FBRS: variants seen among roughly 807,000 people sequenced by gnomAD.
The protein encoded by FBRS is fibrosin.
A neutral mutation model predicts 86.1 loss-of-function variants in FBRS; 15 were observed. That is an observed-to-expected ratio of 0.17 (90% CI 0.12 to 0.27). The LOEUF (loss-of-function observed/expected upper bound fraction) is 0.27, where lower values mean the gene tolerates loss of function less well. Ranked by LOEUF, FBRS falls within the 10% of genes least tolerant of loss-of-function variation. FBRS has a pLI of 1.00. For missense variants in FBRS, 1,367 were observed against 1,301.6 expected (o/e 1.05, Z -0.77); for synonymous variants, 666 against 575.8 (o/e 1.16, Z -2.24).
intron 12 of FBRS, 129 bp from the exon 13 acceptor site, chr16:30,666,790 C>A: frequency 8.6e-7 from 1 of 1,163,886 alleles, no homozygotes; most frequent in South Asian, 1.3e-5. Context: ...ACCTAGTCAT[C>A]CCTTGGTTGT....
Position 30,669,056 on chromosome 16 carries a change from G to A in FBRS, c.2367-13G>A, listed in dbSNP as rs2972815. The A allele has an allele frequency of 6.0e-3, 7,836 of 1,310,670 alleles. 343 individuals are homozygous for A. In the African/African-American group the frequency reaches 0.12, roughly 21 times the overall value. The allele number at this position is 1,310,670 out of a possible 1,614,324, so 81.2% of individuals were successfully genotyped here. A position where few individuals can be genotyped will look rare whatever the true frequency, so the allele number is the denominator to read the frequency against. On this transcript the variant is annotated splice_polypyrimidine_tract_variant and intron_variant, in intron 17 of 17. Coordinates refer to ENST00000356166, the MANE Select transcript of FBRS (RefSeq NM_001105079.3). This position sits in a 1 kb window ranked among gnomAD's most constrained non-coding sequence, Gnocchi z 5.9. ...CTGGAGAACTTCATTCTCTCCCCACGCCTGCCCTCCAGGGACCTCCCCTTC... is the reference window on the plus strand; with the variant it reads ...CTGGAGAACTTCATTCTCTCCCCACACCTGCCCTCCAGGGACCTCCCCTTC...
chr16:30,660,401 G>T lies in FBRS; in HGVS notation c.598G>T (p.Asp200Tyr). ...TCGAGAGCCTGGCCGGCCCCCTGGG[G>T]ATCGGGCCCGAAAATGGCCCAATAA... is the stretch of plus-strand genomic sequence containing the variant. ...SDREPGRPPG[D>Y]RARKWPNKRR... is the part of the protein sequence containing the mutation. Residue 200 changes from aspartate (D) to tyrosine (Y), a missense_variant, in exon 2 of 18, where the codon GAT (aspartate) becomes TAT (tyrosine). Coordinates refer to ENST00000356166, the MANE Select transcript of FBRS (RefSeq NM_001105079.3). 4.0e-6 allele frequency: 5 copies of T among 1,261,266 alleles called. No homozygotes were observed. Among genetic ancestry groups the T allele is most frequent in the Admixed American group, 3.9e-5 (1 of 25,604 alleles). The allele number at this position is 1,261,266 out of a possible 1,614,324, so 78.1% of individuals were successfully genotyped here.
At chr16:30,661,360 C>G (rs1459670964) in intron 4 of FBRS, 27 bp downstream of exon 4, 1 of 1,550,660 alleles carries the variant, frequency 6.4e-7, no homozygotes, top group South Asian at 1.2e-5. Flanking sequence ...CTTGGGTGGG[C>G]AGTGTCACTG....
chr16:30,669,207 TGCCGCTGCTGCTGCCGCC>T lies in FBRS; in HGVS notation c.2514_2531del (p.Ala844_Ala849del), dbSNP rs1567548213. The T allele has an allele frequency of 2.6e-6, 4 of 1,544,216 alleles. No homozygotes were observed. Among genetic ancestry groups the T allele is most frequent in the East Asian group, 2.5e-5 (1 of 40,724 alleles). ...GGAAGGAGGAGGCTGCCGCCGCCGC[TGCCGCTGCTGCTGCCGCC>T]GCCGCTGCCGCCGCCGCAGCAGCCA... On this transcript the variant is annotated inframe_deletion, in exon 18 of 18. Coordinates refer to ENST00000356166, the MANE Select transcript of FBRS (RefSeq NM_001105079.3). The surrounding 1 kb of genome is among the most constrained non-coding windows in gnomAD (Gnocchi z 5.9).
Position 30,659,597 on chromosome 16 carries a change from C to A in FBRS, c.79C>A (p.Arg27=), listed in dbSNP as rs1168986737. 2.7e-6 allele frequency: 1 copy of A among 364,566 alleles called. No homozygotes were observed. The highest frequency in any genetic ancestry group is 1.0e-4 in the South Asian group (1 of 9,918). The allele number at this position is 364,566 out of a possible 1,614,324, so 22.6% of individuals were successfully genotyped here. ...GERRRRRCSR[R]DRDREQRRRR... is the part of the protein sequence containing the mutation. ...GCGCCGACGGCGGCGCTGCTCGCGC[C>A]GAGACCGAGACCGGGAGCAGCGGCG... The change falls in exon 1 of 18, where the codon CGA becomes AGA. Residue 27 remains arginine (R), a synonymous_variant. Coordinates refer to ENST00000356166, the MANE Select transcript of FBRS (RefSeq NM_001105079.3).
intron 8 of FBRS, 43 bp downstream of exon 8, chr16:30,664,963 G>C: frequency 6.2e-7 from 1 of 1,609,200 alleles, no homozygotes; most frequent in Non-Finnish European, 8.5e-7. Flanking sequence ...GGAGGCCTCT[G>C]GGGAGGGCAT....
At chr16:30,661,941 C>T (rs927323995) in intron 4 of FBRS, 9 of 175,896 alleles carry the variant, frequency 5.1e-5, no homozygotes, top group East Asian at 1.7e-4. Context: ...TGTCAATTTC[C>T]GTCATCCATC....
intron 7 of FBRS, 99 bp downstream of exon 7, chr16:30,664,615 G>C: frequency 6.9e-7 from 1 of 1,440,488 alleles, no homozygotes; most frequent in African/African-American, 1.4e-5. Flanking sequence ...AGCAGGGCTT[G>C]AGGAGGGAGT....
Position 30,660,367 on chromosome 16 carries a change from C to G in FBRS, c.564C>G (p.Asp188Glu). The change falls in exon 2 of 18, where the codon GAC becomes GAG. Residue 188 changes from aspartate (D) to glutamate (E), a missense_variant. Physicochemically the swap from Asp to Glu is conservative, Grantham distance 45. Transcript: ENST00000356166. ...GTGGGGCCACCGGGGAGCCAGGGGACAGCTCTGATCGAGAGCCTGGCCGGC... is the reference window on the plus strand; with the variant it reads ...GTGGGGCCACCGGGGAGCCAGGGGAGAGCTCTGATCGAGAGCCTGGCCGGC... Reference protein sequence around the residue: ...GSSGATGEPGDSSDREPGRPP... With the variant: ...GSSGATGEPGESSDREPGRPP... 7.9e-7 allele frequency: 1 copy of G among 1,271,930 alleles called. No individual in the cohort carries two copies. Among genetic ancestry groups the G allele is most frequent in the Non-Finnish European group, 1.0e-6 (1 of 999,584 alleles). 78.8% of individuals were successfully genotyped at this position (1,271,930 alleles called of 1,614,324 possible).
At chr16:30,666,274 C>T (rs182574732) in intron 11 of FBRS, 78 of 599,898 alleles carry the variant, frequency 1.3e-4, no homozygotes, top group African/African-American at 1.3e-3. Flanking sequence ...TGCCCCCTCA[C>T]CACCCGCAGC....
chr16:30,668,400 A>G, intron 15 of FBRS, 160 bp from the exon 16 acceptor site: 1 of 643,704 alleles, frequency 1.6e-6, no homozygotes, highest in South Asian at 2.0e-5. Context: ...TGCTTGTCAA[A>G]GCTCAACACC....
chr16:30,669,801 C>T lies in FBRS; in HGVS notation c.*156C>T. On this transcript the variant is annotated 3_prime_UTR_variant, in exon 18 of 18. Coordinates refer to ENST00000356166, the MANE Select transcript of FBRS (RefSeq NM_001105079.3). The surrounding 1 kb of genome is among the most constrained non-coding windows in gnomAD (Gnocchi z 5.9). Reference sequence around the variant, plus strand: ...CTGGGAACAGAAGCCTCAACCCCCACAAGACCAAGCATCACATGGAGTGTA... The same window carrying T: ...CTGGGAACAGAAGCCTCAACCCCCATAAGACCAAGCATCACATGGAGTGTA... The T allele has an allele frequency of 1.1e-6, 1 of 921,298 alleles. No homozygotes were observed. Among genetic ancestry groups the T allele is most frequent in the Non-Finnish European group, 1.6e-6 (1 of 630,548 alleles). The allele number at this position is 921,298 out of a possible 1,614,324, so 57.1% of individuals were successfully genotyped here.
Position 30,665,230 on chromosome 16 carries a change from C to T in FBRS, c.1609-76C>T. The stretch of plus-strand genomic sequence containing the variant: ...TCCCTGGGGGGCTTTAGGGTGGAGG[C>T]CCGTGGACTGACGGGCAGGCTGGAC... On this transcript the variant is annotated intron_variant, in intron 9 of 17. Transcript: ENST00000356166. This position sits in a 1 kb window ranked among gnomAD's most constrained non-coding sequence, Gnocchi z 4.1. 1.3e-6 allele frequency: 2 copies of T among 1,516,646 alleles called. No homozygotes were observed. The highest frequency in any genetic ancestry group is 4.9e-5 in the East Asian group (2 of 41,038). The allele number at this position is 1,516,646 out of a possible 1,614,324, so 93.9% of individuals were successfully genotyped here.
rs1470729233 is a variant in FBRS, at chr16:30,660,427, G to A, written c.624G>A (p.Lys208=). Residue 208 remains lysine (K), a synonymous_variant, in exon 2 of 18, where the codon AAG becomes AAA. Transcript: ENST00000356166. ...ATCGGGCCCGAAAATGGCCCAATAA[G>A]CGGAGAAGAAAAGAGGTGAGGTTGT... is the stretch of plus-strand genomic sequence containing the variant. ...PGDRARKWPN[K]RRRKEASSRH... The A allele has an allele frequency of 2.4e-6, 3 of 1,258,906 alleles. No individual in the cohort carries two copies. The highest frequency in any genetic ancestry group is 2.0e-6 in the Non-Finnish European group (2 of 992,806). The allele number at this position is 1,258,906 out of a possible 1,614,324, so 78.0% of individuals were successfully genotyped here. A position where few individuals can be genotyped will look rare whatever the true frequency, so the allele number is the denominator to read the frequency against.
At chr16:30,662,253 C>T in intron 4 of FBRS, 167 bp from the exon 5 acceptor site, 4 of 1,069,252 alleles carry the variant, frequency 3.7e-6, no homozygotes, top group Non-Finnish European at 5.3e-6. Context: ...GCTTTTTCTC[C>T]AAGCTCAGCC....
chr16:30,660,223 C>T (rs761968083), intron 1 of FBRS, 40 bp from the exon 2 acceptor site: 10 of 1,337,360 alleles, frequency 7.5e-6, no homozygotes, highest in Non-Finnish European at 8.7e-6. Context: ...TGGGAGCTTG[C>T]CCTTTTCCAT....
chr16:30,664,238 C>T lies in FBRS; in HGVS notation c.1079C>T (p.Ala360Val). 5 of 1,449,182 alleles carry T rather than the reference C, an allele frequency of 3.5e-6. No homozygotes were observed. The highest frequency in any genetic ancestry group is 1.4e-5 in the South Asian group (1 of 71,156). 89.8% of individuals were successfully genotyped at this position (1,449,182 alleles called of 1,614,324 possible). A position where few individuals can be genotyped will look rare whatever the true frequency, so the allele number is the denominator to read the frequency against. The change falls in exon 7 of 18, where the codon GCC becomes GTC. Residue 360 changes from alanine (A) to valine (V), a missense_variant. Physicochemically the swap from Ala to Val is moderately conservative, Grantham distance 64. Coordinates refer to ENST00000356166, the MANE Select transcript of FBRS (RefSeq NM_001105079.3). The part of the protein sequence containing the change: ...TGSSSRPPPK[A>V]PAPPVAQPPP... ...AGCTCTTCACGGCCGCCCCCCAAGG[C>T]CCCGGCCCCTCCCGTGGCTCAGCCT...
chr16:30,662,405 G>T lies in FBRS; in HGVS notation c.706-15G>T, dbSNP rs531235451. 87 of 1,550,344 alleles carry T rather than the reference G, an allele frequency of 5.6e-5. No individual in the cohort carries two copies. The South Asian group carries it at 1.0e-3, about 18-fold the overall frequency. ...CACCCACAACCTAACTCTATCCCTT[G>T]CCCTTCTTCCCCAGGTCTCCGATGA... is the stretch of plus-strand genomic sequence containing the variant. On this transcript the variant is annotated splice_polypyrimidine_tract_variant and intron_variant, in intron 4 of 17. Transcript: ENST00000356166.
In FBRS at chr16:30,668,987, T is replaced by TCCCCCCCCCCCCCCCCCC; in HGVS notation, c.2366+11_2366+12insCCCCCCCCCCCCCCCCCC. On this transcript the variant is annotated intron_variant, in intron 17 of 17. Transcript: ENST00000356166. ...CAAGGAGGAGAAGGACAGGTGTGCC[T>TCCCCCCCCCCCCCCCCCC]CCCACCCACCCTGCCCCTGCCCCAC... 1 of 1,481,132 alleles carries TCCCCCCCCCCCCCCCCCC rather than the reference T, an allele frequency of 6.8e-7. No individual in the cohort carries two copies. The highest frequency in any genetic ancestry group is 1.2e-5 in the South Asian group (1 of 82,718). 91.7% of individuals were successfully genotyped at this position (1,481,132 alleles called of 1,614,324 possible).
Sources: gnomAD v4.1 joint callset for allele counts on GRCh38, gnomAD v4.1.1 for gene constraint, Gnocchi (gnomAD v3.1) non-coding constraint, MANE v1.5 for transcripts, NCBI Gene and HGNC (gene_info 2026-07-23, HGNC 2026-07-21) for gene names.